The following PPP1R3A variants were observed in gnomAD, a reference collection of about 807,000 sequenced individuals.
PPP1R3A encodes protein phosphatase 1 regulatory subunit 3A.
Under a neutral mutation model 41.7 loss-of-function variants are expected in PPP1R3A, and 29 were observed. The ratio of observed to expected loss-of-function variants is 0.70; its 90% CI spans 0.52 to 0.95. PPP1R3A has a LOEUF of 0.95. Among genes scored for constraint, PPP1R3A ranks in the 40% least tolerant of loss-of-function variants. The pLI is 0.00. For missense variants in PPP1R3A, 1,352 were observed against 1,292.4 expected (o/e 1.05, Z -0.71); for synonymous variants, 485 against 453.4 (o/e 1.07, Z -0.89).
intron 1 of PPP1R3A, 104 bp from the exon 2 acceptor site, chr7:113,882,424 A>G: frequency 1.5e-6 from 1 of 680,454 alleles, no homozygotes; most frequent in Non-Finnish European, 2.5e-6. Context: ...AATAAACATT[A>G]TATAGCCTTT....
In PPP1R3A at chr7:113,877,367, G is replaced by C. The variant is rs528556303; in HGVS notation, c.*356C>G. On this transcript the variant is annotated 3_prime_UTR_variant, in exon 4 of 4. Transcript: ENST00000284601. ...AGGGGAAAATATATACTCTCAAGGG[G>C]AAAAAAAAATGAAGCTTTATTGCAA... 1 of 168,588 alleles carries C rather than the reference G, an allele frequency of 5.9e-6. No homozygotes were observed. Among genetic ancestry groups the C allele is most frequent in the Non-Finnish European group, 1.2e-5 (1 of 80,302 alleles). The allele number at this position is 168,588 out of a possible 1,614,324, so 10.4% of individuals were successfully genotyped here. A position where few individuals can be genotyped will look rare whatever the true frequency, so the allele number is the denominator to read the frequency against.
At position 113,878,434 on chromosome 7, in the gene PPP1R3A, T is replaced by G; in HGVS notation, c.2658A>C (p.Gln886His). Residue 886 changes from glutamine (Q) to histidine (H), a missense_variant, in exon 4 of 4, where the codon CAA (glutamine) becomes CAC (histidine). Coordinates refer to ENST00000284601, the MANE Select transcript of PPP1R3A (RefSeq NM_002711.4). The part of the protein sequence containing the change: ...FSENRDLRQV[Q>H]ELSKKTDSDA... ...CCGAGTCTGTTTTCTTTGATAATTC[T>G]TGAACCTGCCTAAGATCTCTGTTTT... is the stretch of plus-strand genomic sequence containing the variant. 1 of 1,612,222 alleles carries G rather than the reference T, an allele frequency of 6.2e-7. No individual in the cohort carries two copies. The highest frequency in any genetic ancestry group is 2.2e-5 in the East Asian group (1 of 44,828).
chr7:113,916,154 G>A lies in PPP1R3A; in HGVS notation c.782+2061C>T, dbSNP rs546444246. On this transcript the variant is annotated intron_variant, in intron 1 of 3. Coordinates refer to ENST00000284601, the MANE Select transcript of PPP1R3A (RefSeq NM_002711.4). ...TTCAAAATGTGGTTCGAATTATGTTGGTCATTTTTAAGTTACAGAAGTGCA... is the reference window on the plus strand; with the variant it reads ...TTCAAAATGTGGTTCGAATTATGTTAGTCATTTTTAAGTTACAGAAGTGCA... Among the ~76,000 whole-genome samples, 29 of 152,036 alleles carry A rather than the reference G, an allele frequency of 1.9e-4. No individual in the cohort carries two copies. In the South Asian group the frequency reaches 4.8e-3, roughly 25 times the overall value.
chr7:113,887,279 A>C (rs1326147182), intron 1 of PPP1R3A, among the ~76,000 whole-genome samples: 1 of 152,104 alleles, frequency 6.6e-6, no homozygotes, highest in Non-Finnish European at 1.5e-5. Context: ...AAAGTAAAAA[A>C]GAAATTAATT....
chr7:113,897,070 T>C (rs1192433888), intron 1 of PPP1R3A, among the ~76,000 whole-genome samples: 2 of 151,864 alleles, frequency 1.3e-5, no homozygotes, highest in Non-Finnish European at 2.9e-5. Flanking sequence ...AAATGTTGCT[T>C]GTATTCACTT....
At chr7:113,892,331 A>C (rs551312341) in intron 1 of PPP1R3A, among the ~76,000 whole-genome samples, 1 of 152,186 alleles carries the variant, frequency 6.6e-6, no homozygotes. Flanking sequence ...AATGTCGAAC[A>C]GGTTTTCCAA....
chr7:113,916,644 G>T (rs963692867), intron 1 of PPP1R3A, among the ~76,000 whole-genome samples: 2 of 151,934 alleles, frequency 1.3e-5, no homozygotes, highest in Non-Finnish European at 1.5e-5. Context: ...CTAAATTTTG[G>T]TTTCTCTAAC....
intron 1 of PPP1R3A, among the ~76,000 whole-genome samples, chr7:113,889,201 T>C (rs565808703): frequency 6.6e-6 from 1 of 152,158 alleles, no homozygotes; most frequent in Admixed American, 6.6e-5. Flanking sequence ...CCTCCTTAGA[T>C]GATAGACAGG....
chr7:113,909,583 A>G (rs1797209778), intron 1 of PPP1R3A, among the ~76,000 whole-genome samples: 1 of 152,032 alleles, frequency 6.6e-6, no homozygotes, highest in Admixed American at 6.6e-5. Context: ...ACCCCTTATG[A>G]GAATTCAGTT....
chr7:113,887,642 T>G (rs1458124438), intron 1 of PPP1R3A, among the ~76,000 whole-genome samples: 2 of 152,070 alleles, frequency 1.3e-5, no homozygotes, highest in Non-Finnish European at 2.9e-5. Flanking sequence ...AACATTCTGA[T>G]TTAGGTTTTA....
At position 113,881,247 on chromosome 7, in the gene PPP1R3A, T is replaced by A. The variant is rs183261857; in HGVS notation, c.966+792A>T. Among the ~76,000 whole-genome samples, 5 of 152,168 alleles carry A rather than the reference T, an allele frequency of 3.3e-5. No homozygotes were observed. In the East Asian group the frequency reaches 9.7e-4, roughly 30 times the overall value. ...ATGTGGGGAAATAGATGAGCTCTAT[T>A]TCTTTCCTGTTTCAGCACTGACACT... is the stretch of plus-strand genomic sequence containing the variant. On this transcript the variant is annotated intron_variant, in intron 3 of 3. Transcript: ENST00000284601.
At chr7:113,888,132 G>T (rs995087589) in intron 1 of PPP1R3A, among the ~76,000 whole-genome samples, 3 of 152,122 alleles carry the variant, frequency 2.0e-5, no homozygotes, top group Non-Finnish European at 4.4e-5. Flanking sequence ...GGTAGAATGA[G>T]AATTAGTTCA....
intron 1 of PPP1R3A, among the ~76,000 whole-genome samples, chr7:113,915,578 T>A (rs571226979): frequency 1.3e-5 from 2 of 148,374 alleles, no homozygotes; most frequent in South Asian, 4.2e-4. Flanking sequence ...CATATATACA[T>A]ACATATACAT....
chr7:113,910,449 A>G (rs1367135139), intron 1 of PPP1R3A, among the ~76,000 whole-genome samples: 1 of 152,084 alleles, frequency 6.6e-6, no homozygotes, highest in African/African-American at 2.4e-5. Flanking sequence ...AATAAACACA[A>G]TAATCTTATG....
chr7:113,902,187 G>A (rs1166052376), intron 1 of PPP1R3A, among the ~76,000 whole-genome samples: 1 of 151,684 alleles, frequency 6.6e-6, no homozygotes, highest in Non-Finnish European at 1.5e-5. Flanking sequence ...CTGGAGTGGA[G>A]GGGCACAATC....
chr7:113,887,510 A>T (rs924481662), intron 1 of PPP1R3A, among the ~76,000 whole-genome samples: 1 of 152,238 alleles, frequency 6.6e-6, no homozygotes, highest in African/African-American at 2.4e-5. Flanking sequence ...TATAATTACT[A>T]TAAGTGATAA....
chr7:113,889,580 G>A (rs1338699364), intron 1 of PPP1R3A, among the ~76,000 whole-genome samples: 3 of 152,068 alleles, frequency 2.0e-5, no homozygotes, highest in Admixed American at 2.0e-4. Flanking sequence ...ACAAAGGCTT[G>A]CACTATCTTT....
chr7:113,914,851 A>G (rs1301327593), intron 1 of PPP1R3A, among the ~76,000 whole-genome samples: 1 of 152,128 alleles, frequency 6.6e-6, no homozygotes, highest in Non-Finnish European at 1.5e-5. Context: ...CTTGGATTCA[A>G]ACTCAGATAT....
chr7:113,915,563 A>ATATATGTATATACATATATACC (rs1333958903), intron 1 of PPP1R3A, among the ~76,000 whole-genome samples: 410 of 148,794 alleles, frequency 2.8e-3, no homozygotes, highest in Admixed American at 6.1e-3. Context: ...ACATATATAC[A>ATATATGTATATACATATATACC]TATACATATA....
Sources: gnomAD v4.1 joint callset for allele counts (sites outside exome capture counted in the v4.1 genomes callset) on GRCh38, gnomAD v4.1.1 for gene constraint, MANE v1.5 for transcripts, NCBI Gene and HGNC (gene_info 2026-07-23, HGNC 2026-07-21) for gene names.